The following WWOX variants were observed in gnomAD, a reference collection of about 807,000 sequenced individuals.
WWOX encodes WW domain-containing oxidoreductase.
WWOX carries 69 observed loss-of-function variants against 46.2 expected under a neutral mutation model. The observed-to-expected ratio is 1.49, with a 90% CI of 1.23 to 1.82. The LOEUF is 1.82. Ranked by LOEUF, WWOX falls within the 40% of genes most tolerant of loss-of-function variation. The probability of loss-of-function intolerance (pLI) is 0.00; values close to 1 mark genes in which losing one functional copy is unlikely to be tolerated. For missense variants in WWOX, 919 were observed against 542.6 expected (o/e 1.69, Z -6.89); for synonymous variants, 359 against 202.6 (o/e 1.77, Z -6.56).
intron 8 of WWOX, among the ~76,000 whole-genome samples, chr16:78,924,222 G>A (rs980757511): frequency 5.9e-5 from 9 of 152,166 alleles, no homozygotes; most frequent in African/African-American, 1.9e-4. Flanking sequence ...TGGTCTTGAA[G>A]CTGTGAATTC....
chr16:78,686,722 G>A (rs994014559), intron 8 of WWOX, among the ~76,000 whole-genome samples: 4 of 152,180 alleles, frequency 2.6e-5, no homozygotes, highest in South Asian at 2.1e-4. Context: ...GGCCCAGTAG[G>A]CATTTATGTT....
chr16:78,869,210 G>T (rs1186218573), intron 8 of WWOX, among the ~76,000 whole-genome samples: 1 of 152,108 alleles, frequency 6.6e-6, no homozygotes, highest in Admixed American at 6.5e-5. Context: ...CTCTGTGGTG[G>T]GTGGGGTCCA....
At position 78,388,360 on chromosome 16, in the gene WWOX, C is replaced by T. The variant is rs564863196; in HGVS notation, c.605+1412C>T. Reference sequence around the variant, plus strand: ...TACTTTATTAGATTTAAAAAGTTTGCTCTCAGCTGGGTGCAGTGGCTTATG... The same window carrying T: ...TACTTTATTAGATTTAAAAAGTTTGTTCTCAGCTGGGTGCAGTGGCTTATG... On this transcript the variant is annotated intron_variant, in intron 6 of 8. Coordinates refer to ENST00000566780, the MANE Select transcript of WWOX (RefSeq NM_016373.4). 7.2e-5 allele frequency among the ~76,000 whole-genome samples: 11 copies of T among 152,230 alleles called. No homozygotes were observed. In the South Asian group the frequency reaches 1.9e-3, roughly 26 times the overall value.
intron 6 of WWOX, among the ~76,000 whole-genome samples, chr16:78,400,243 G>C (rs116918653): frequency 1.3e-5 from 2 of 152,132 alleles, no homozygotes; most frequent in South Asian, 2.1e-4. Context: ...AAAGGTCTCT[G>C]TTTGTCTCAG....
chr16:78,727,940 C>T (rs1415132365), intron 8 of WWOX, among the ~76,000 whole-genome samples: 2 of 151,280 alleles, frequency 1.3e-5, no homozygotes, highest in Non-Finnish European at 2.9e-5. Context: ...TGATATTTAT[C>T]ATACTAGAAA....
chr16:79,065,705 G>C (rs1347513658), intron 8 of WWOX, among the ~76,000 whole-genome samples: 1 of 152,162 alleles, frequency 6.6e-6, no homozygotes, highest in Non-Finnish European at 1.5e-5. Context: ...GCTTTACAAA[G>C]GTGGTTTCAT....
intron 8 of WWOX, among the ~76,000 whole-genome samples, chr16:78,625,620 A>G (rs758387187): frequency 4.6e-5 from 7 of 151,940 alleles, no homozygotes; most frequent in Non-Finnish European, 8.8e-5. Context: ...ATACTGAAAT[A>G]TTAGGTTGTG....
intron 8 of WWOX, among the ~76,000 whole-genome samples, chr16:78,920,630 C>T (rs1597152269): frequency 6.6e-6 from 1 of 152,134 alleles, no homozygotes; most frequent in African/African-American, 2.4e-5. Flanking sequence ...ACATCCAGGT[C>T]AGGTACCTGA....
intron 8 of WWOX, among the ~76,000 whole-genome samples, chr16:78,771,598 C>T (rs1174042604): frequency 6.6e-6 from 1 of 151,952 alleles, no homozygotes; most frequent in Non-Finnish European, 1.5e-5. Context: ...ATGGTGAAAC[C>T]CCGTTTCTAC....
intron 5 of WWOX, among the ~76,000 whole-genome samples, chr16:78,261,901 A>C (rs7196681): frequency 0.43 from 64,183 of 148,950 alleles, 14,470 homozygotes; most frequent in East Asian, 0.63. Context: ...TAAGAAATTG[A>C]CTGTGTAAGT....
intron 8 of WWOX, among the ~76,000 whole-genome samples, chr16:78,628,229 C>T (rs1421301498): frequency 3.3e-5 from 5 of 152,130 alleles, no homozygotes; most frequent in Non-Finnish European, 5.9e-5. Context: ...ACGGTTTGGC[C>T]AACTAAGGAG....
chr16:78,287,793 T>C (rs2151858602), intron 5 of WWOX, among the ~76,000 whole-genome samples: 1 of 152,278 alleles, frequency 6.6e-6, no homozygotes, highest in South Asian at 2.1e-4. Context: ...TTTCCTAAAC[T>C]TAAAAAAATT....
chr16:78,747,946 C>T (rs1390764881), intron 8 of WWOX, among the ~76,000 whole-genome samples: 2 of 152,178 alleles, frequency 1.3e-5, no homozygotes, highest in African/African-American at 2.4e-5. Context: ...CATCCTGCAG[C>T]CGAAATAACC....
chr16:78,419,509 G>T (rs2082873608), intron 6 of WWOX, among the ~76,000 whole-genome samples: 1 of 151,306 alleles, frequency 6.6e-6, no homozygotes, highest in Non-Finnish European at 1.5e-5. Context: ...TTTTCAGCAA[G>T]GATGCCAAGA....
At chr16:78,969,060 G>A (rs1296987209) in intron 8 of WWOX, among the ~76,000 whole-genome samples, 1 of 152,104 alleles carries the variant, frequency 6.6e-6, no homozygotes, top group Non-Finnish European at 1.5e-5. Flanking sequence ...CCCTTGTCTT[G>A]TTATTTCCTC....
chr16:78,871,063 T>C (rs2044117108), intron 8 of WWOX, among the ~76,000 whole-genome samples: 1 of 152,190 alleles, frequency 6.6e-6, no homozygotes, highest in Non-Finnish European at 1.5e-5. Flanking sequence ...GTTTTTAAAT[T>C]ATCCCCTATA....
At position 78,314,709 on chromosome 16, in the gene WWOX, TTTTTTTTTTTTTC is replaced by T. The variant is rs2080324588; in HGVS notation, c.517-72149_517-72137del. On this transcript the variant is annotated intron_variant, in intron 5 of 8. Coordinates refer to ENST00000566780, the MANE Select transcript of WWOX (RefSeq NM_016373.4). ...AGGGGTTTTTTTTTTTTGTTTTTTT[TTTTTTTTTTTTTC>T]TGTATTTTCAGTAGAGACAGGGTTT... is the stretch of plus-strand genomic sequence containing the variant. Among the ~76,000 whole-genome samples the T allele has an allele frequency of 5.2e-5, 4 of 77,414 alleles. No homozygotes were observed. In the South Asian group the frequency reaches 1.6e-3, roughly 31 times the overall value. The allele number at this position is 77,414 out of a possible 152,430, so 50.8% of individuals were successfully genotyped here.
At chr16:78,718,019 A>G (rs970233595) in intron 8 of WWOX, among the ~76,000 whole-genome samples, 4 of 146,856 alleles carry the variant, frequency 2.7e-5, no homozygotes, top group African/African-American at 1.0e-4. Context: ...GGGAAAGCAC[A>G]ATGGTATTAG....
At chr16:78,569,106 C>G (rs2044649940) in intron 8 of WWOX, among the ~76,000 whole-genome samples, 1 of 152,116 alleles carries the variant, frequency 6.6e-6, no homozygotes. Flanking sequence ...GGTTTGCAAA[C>G]CGTTTCTTAA....
Sources: allele counts gnomAD v4.1 joint callset (sites outside exome capture counted in the v4.1 genomes callset), GRCh38; gene constraint gnomAD v4.1.1; transcripts MANE v1.5; gene names NCBI Gene and HGNC (gene_info 2026-07-23, HGNC 2026-07-21).